Variants in FRS2 observed in about 807,000 individuals in gnomAD.
FRS2 encodes fibroblast growth factor receptor substrate 2.
In FRS2, 8 loss-of-function variants were observed where a neutral mutation model predicts 43.9. The ratio of observed to expected loss-of-function variants is 0.18; its 90% CI spans 0.11 to 0.33. The LOEUF (loss-of-function observed/expected upper bound fraction) is 0.33. Among genes scored for constraint, FRS2 ranks in the 10% least tolerant of loss-of-function variants. The pLI, the probability that FRS2 is intolerant of heterozygous loss-of-function variation, is 1.00. For missense variants in FRS2, 534 were observed against 627.6 expected (o/e 0.85, Z 1.59); for synonymous variants, 219 against 220.3 (o/e 0.99, Z 0.05).
At chr12:69,523,279 G>A (rs580172) in intron 1 of FRS2, among the ~76,000 whole-genome samples, 14,200 of 152,126 alleles carry the variant, frequency 0.093, 873 homozygotes, top group Non-Finnish European at 0.14. Flanking sequence ...TTGGGTGTAT[G>A]GATATTTAGG....
At chr12:69,482,960 T>C (rs1344324060) in intron 1 of FRS2, among the ~76,000 whole-genome samples, 1 of 152,256 alleles carries the variant, frequency 6.6e-6, no homozygotes, top group Non-Finnish European at 1.5e-5. Context: ...GGGCTCATTT[T>C]ACATTCCCAC....
intron 1 of FRS2, among the ~76,000 whole-genome samples, chr12:69,473,291 T>G (rs572248944): frequency 6.5e-4 from 99 of 152,362 alleles, no homozygotes; most frequent in Non-Finnish European, 1.1e-3. Flanking sequence ...ATCTGTCTGG[T>G]GCCAAAGCCT....
At chr12:69,482,331 G>A (rs1871420857) in intron 1 of FRS2, among the ~76,000 whole-genome samples, 1 of 152,150 alleles carries the variant, frequency 6.6e-6, no homozygotes, top group Admixed American at 6.5e-5. Flanking sequence ...GTGACTTAAG[G>A]TTTTCCTAAG....
intron 1 of FRS2, among the ~76,000 whole-genome samples, chr12:69,503,546 C>A (rs1332583162): frequency 6.6e-6 from 1 of 152,114 alleles, no homozygotes; most frequent in Non-Finnish European, 1.5e-5. Context: ...GCAGTCGCCT[C>A]TTGTGTGTGG....
At chr12:69,526,615 A>G (rs979223915) in intron 1 of FRS2, among the ~76,000 whole-genome samples, 60 of 152,366 alleles carry the variant, frequency 3.9e-4, no homozygotes, top group African/African-American at 1.3e-3. Context: ...AGAACTAATA[A>G]TTTCATTATA....
chr12:69,523,710 G>C (rs1277921183), intron 1 of FRS2, among the ~76,000 whole-genome samples: 1 of 152,156 alleles, frequency 6.6e-6, no homozygotes, highest in Admixed American at 6.5e-5. Flanking sequence ...TGACTGGTAA[G>C]GGTCTTTCCT....
intron 1 of FRS2, among the ~76,000 whole-genome samples, chr12:69,496,761 T>C (rs1347877969): frequency 6.6e-6 from 1 of 152,216 alleles, no homozygotes; most frequent in Non-Finnish European, 1.5e-5. Flanking sequence ...ATCTTTACCA[T>C]TTGCCTACAA....
intron 3 of FRS2, among the ~76,000 whole-genome samples, chr12:69,533,561 C>G (rs947695433): frequency 6.6e-6 from 1 of 152,182 alleles, no homozygotes; most frequent in Non-Finnish European, 1.5e-5. Context: ...GTTGGTCAGG[C>G]TGGTCTCGAA....
At chr12:69,529,984 G>A (rs972647877) in intron 1 of FRS2, among the ~76,000 whole-genome samples, 9 of 152,076 alleles carry the variant, frequency 5.9e-5, no homozygotes, top group African/African-American at 2.2e-4. Flanking sequence ...AACCTGGGAG[G>A]CAGAGGTTGC....
intron 1 of FRS2, among the ~76,000 whole-genome samples, chr12:69,481,691 A>G (rs950149080): frequency 1.3e-5 from 2 of 152,158 alleles, no homozygotes; most frequent in African/African-American, 4.8e-5. Flanking sequence ...AGAGTTCCTC[A>G]GCAGTTCTTT....
intron 3 of FRS2, among the ~76,000 whole-genome samples, chr12:69,553,795 G>T (rs1200256589): frequency 2.0e-5 from 3 of 152,156 alleles, no homozygotes; most frequent in Non-Finnish European, 4.4e-5. Flanking sequence ...GAAAAACTTT[G>T]GGAACATATT....
chr12:69,517,759 T>C (rs1001552769), intron 1 of FRS2, among the ~76,000 whole-genome samples: 1 of 152,202 alleles, frequency 6.6e-6, no homozygotes, highest in Non-Finnish European at 1.5e-5. Flanking sequence ...AGCTAAAATG[T>C]CCTATAAATT....
intron 3 of FRS2, among the ~76,000 whole-genome samples, chr12:69,540,290 A>G (rs1877773905): frequency 6.6e-6 from 1 of 151,750 alleles, no homozygotes; most frequent in Admixed American, 6.6e-5. Context: ...TTAAAAAATA[A>G]AAATAACAAA....
chr12:69,492,003 A>G (rs1220381107), intron 1 of FRS2, among the ~76,000 whole-genome samples: 1 of 152,196 alleles, frequency 6.6e-6, no homozygotes, highest in Admixed American at 6.5e-5. Context: ...AAATATGATT[A>G]CTAGTTTGGT....
chr12:69,566,953 G>T (rs1359596910), intron 4 of FRS2, among the ~76,000 whole-genome samples: 1 of 152,120 alleles, frequency 6.6e-6, no homozygotes, highest in East Asian at 1.9e-4. Flanking sequence ...TCCTGAATGT[G>T]GTGTGACACT....
At chr12:69,493,975 A>G (rs979934786) in intron 1 of FRS2, among the ~76,000 whole-genome samples, 8 of 152,138 alleles carry the variant, frequency 5.3e-5, no homozygotes, top group African/African-American at 1.7e-4. Flanking sequence ...CCATCAATCC[A>G]TGAGCTTTTT....
intron 7 of FRS2, among the ~76,000 whole-genome samples, chr12:69,571,687 C>T (rs973084680): frequency 1.3e-5 from 2 of 151,940 alleles, no homozygotes; most frequent in Non-Finnish European, 2.9e-5. Context: ...CTGTGAACCT[C>T]CATCTCTACT....
intron 3 of FRS2, chr12:69,538,121 A>G (rs1019310963): frequency 6.6e-6 from 1 of 151,182 alleles, no homozygotes; most frequent in African/African-American, 2.5e-5. Context: ...CTTAAAGTCA[A>G]GAGCCACCTT....
chr12:69,566,567 A>AT (rs1341140526), intron 4 of FRS2, among the ~76,000 whole-genome samples: 1 of 152,082 alleles, frequency 6.6e-6, no homozygotes, highest in African/African-American at 2.4e-5. Context: ...AGATCACGCC[A>AT]TAGCACTCCA....
Sources: gnomAD v4.1 joint callset for allele counts (sites outside exome capture counted in the v4.1 genomes callset) on GRCh38, gnomAD v4.1.1 for gene constraint, MANE v1.5 for transcripts, NCBI Gene and HGNC (gene_info 2026-07-23, HGNC 2026-07-21) for gene names.